The following SNTG2 variants were observed in gnomAD, a reference collection of about 807,000 sequenced individuals.
SNTG2 encodes the protein syntrophin gamma 2.
Under a neutral mutation model 70.9 loss-of-function variants are expected in SNTG2, and 74 were observed. The observed-to-expected ratio is 1.04, with a 90% CI of 0.86 to 1.27. The LOEUF (loss-of-function observed/expected upper bound fraction) is 1.27, where lower values mean the gene tolerates loss of function less well. SNTG2 is among the 50% of genes most tolerant of loss of function. The pLI, the probability that SNTG2 is intolerant of heterozygous loss-of-function variation, is 0.00. For synonymous variants in SNTG2, 278 were observed against 273.8 expected (o/e 1.02, Z -0.15); for missense variants, 717 against 690.7 (o/e 1.04, Z -0.43).
rs190580782 is a variant in SNTG2 at position 1,053,464 on chromosome 2, C to G, written c.73-30054C>G. ...TGGTGTTGACTGTTGATCAGTATCA[C>G]TCCATCCCCCCCCACCCCCCCAGCC... On this transcript the variant is annotated intron_variant, in intron 1 of 16. Transcript: ENST00000308624. Among the ~76,000 whole-genome samples the G allele has an allele frequency of 8.0e-4, 118 of 148,094 alleles. 1 individual carries two copies. Among genetic ancestry groups the G allele is most frequent in the African/African-American group, 2.8e-3 (114 of 40,034 alleles).
At chr2:1,236,414 G>A (rs1676662857) in intron 9 of SNTG2, among the ~76,000 whole-genome samples, 1 of 152,232 alleles carries the variant, frequency 6.6e-6, no homozygotes. Flanking sequence ...AGAAAGGGCT[G>A]TGCGAAGGTG....
intron 8 of SNTG2, among the ~76,000 whole-genome samples, chr2:1,187,288 T>C (rs1672307397): frequency 1.3e-5 from 2 of 152,162 alleles, no homozygotes; most frequent in Admixed American, 6.6e-5. Flanking sequence ...GATTCTAGAT[T>C]TTTCTGTGAA....
chr2:1,036,092 G>A lies in SNTG2; in HGVS notation c.73-47426G>A, dbSNP rs144131040. 6.5e-3 allele frequency among the ~76,000 whole-genome samples: 986 copies of A among 152,098 alleles called. 6 individuals are homozygous for A. Among genetic ancestry groups the A allele is most frequent in the Non-Finnish European group, 0.012 (814 of 67,964 alleles). ...TAGGCTCATAAGATTTTTGTCTCTT[G>A]GTTTTTCTAGGTGATTTTTAACTTA... is the stretch of plus-strand genomic sequence containing the variant. On this transcript the variant is annotated intron_variant, in intron 1 of 16. Transcript: ENST00000308624.
At chr2:1,248,453 C>T (rs907692884) in intron 12 of SNTG2, among the ~76,000 whole-genome samples, 1 of 152,222 alleles carries the variant, frequency 6.6e-6, no homozygotes, top group African/African-American at 2.4e-5. Flanking sequence ...CCAGAGATAA[C>T]ATAGGATATC....
intron 1 of SNTG2, among the ~76,000 whole-genome samples, chr2:990,399 G>A (rs1357153373): frequency 6.6e-6 from 1 of 152,172 alleles, no homozygotes; most frequent in Non-Finnish European, 1.5e-5. Flanking sequence ...TGTAGGTGTT[G>A]GGAGTTGGTA....
At chr2:1,298,201 C>T (rs905216612) in intron 14 of SNTG2, among the ~76,000 whole-genome samples, 5 of 152,096 alleles carry the variant, frequency 3.3e-5, no homozygotes, top group African/African-American at 7.2e-5. Context: ...GGCATGATCT[C>T]GGCTCACTGC....
intron 15 of SNTG2, among the ~76,000 whole-genome samples, chr2:1,314,219 G>A (rs1044534683): frequency 3.3e-5 from 5 of 152,314 alleles, no homozygotes; most frequent in African/African-American, 4.8e-5. Flanking sequence ...TCACAGAGTC[G>A]TTTGTTGCTT....
intron 1 of SNTG2, among the ~76,000 whole-genome samples, chr2:958,495 A>G (rs1252541547): frequency 6.6e-6 from 1 of 152,062 alleles, no homozygotes; most frequent in Non-Finnish European, 1.5e-5. Context: ...TTTCATAAAA[A>G]GACTCTGCAA....
intron 16 of SNTG2, among the ~76,000 whole-genome samples, chr2:1,332,315 G>A (rs909594971): frequency 3.3e-5 from 5 of 152,148 alleles, no homozygotes; most frequent in Non-Finnish European, 7.3e-5. Flanking sequence ...GGACAAGGAC[G>A]AGGTGGATTC....
intron 6 of SNTG2, among the ~76,000 whole-genome samples, chr2:1,141,937 G>A (rs992879012): frequency 3.7e-5 from 5 of 134,834 alleles, no homozygotes; most frequent in African/African-American, 1.1e-4. Context: ...ACGTGGCATC[G>A]CCCCAGAGCC....
chr2:1,159,763 C>T (rs375192413), intron 6 of SNTG2, among the ~76,000 whole-genome samples: 1 of 152,056 alleles, frequency 6.6e-6, no homozygotes, highest in African/African-American at 2.4e-5. Flanking sequence ...ACATAGAGGA[C>T]AAGTCAGAGA....
chr2:1,251,287 CAAGT>C (rs1161216298), intron 12 of SNTG2, among the ~76,000 whole-genome samples: 1 of 143,982 alleles, frequency 6.9e-6, no homozygotes, highest in Non-Finnish European at 1.5e-5. Context: ...TTGTTATCCT[CAAGT>C]AAGCATAGTT....
chr2:995,207 G>A (rs999787302), intron 1 of SNTG2, among the ~76,000 whole-genome samples: 1 of 151,982 alleles, frequency 6.6e-6, no homozygotes, highest in African/African-American at 2.4e-5. Flanking sequence ...ATTTTCCACA[G>A]ATAACTTTTA....
At chr2:1,172,995 A>T in intron 7 of SNTG2, 97 bp from the exon 8 acceptor site, 7 of 1,105,422 alleles carry the variant, frequency 6.3e-6, no homozygotes, top group Non-Finnish European at 9.4e-6. Flanking sequence ...TGGTGCTGGT[A>T]ACTTCCCATG....
At chr2:952,656 A>G (rs957648526) in intron 1 of SNTG2, among the ~76,000 whole-genome samples, 3 of 133,574 alleles carry the variant, frequency 2.2e-5, no homozygotes, top group African/African-American at 9.2e-5. Flanking sequence ...ATTGTATTGA[A>G]AGAAACTTTT....
rs1184617941 is a variant in SNTG2, at chr2:1,259,417, T to C, written c.1053T>C (p.Cys351=). 1 of 1,613,762 alleles carries C rather than the reference T, an allele frequency of 6.2e-7. No individual in the cohort carries two copies. The highest frequency in any genetic ancestry group is 8.5e-7 in the Non-Finnish European group (1 of 1,179,658). ...WVRAERTYHL[C]EVLFKVHKFW... is the part of the protein sequence containing the mutation. ...GAGCAGAAAGGACCTATCACCTCTG[T>C]GAGGTGCTATTTAAAGTTCACAAGG... The change falls in exon 13 of 17, where the codon TGT becomes TGC. Residue 351 remains cysteine (C), a synonymous_variant. Coordinates refer to ENST00000308624, the MANE Select transcript of SNTG2 (RefSeq NM_018968.4).
At chr2:1,159,153 G>T (rs1670106184) in intron 6 of SNTG2, among the ~76,000 whole-genome samples, 1 of 143,776 alleles carries the variant, frequency 7.0e-6, no homozygotes, top group Non-Finnish European at 1.5e-5. Flanking sequence ...TGTGGGGGGG[G>T]TGTGTGAGTG....
At chr2:975,236 G>A (rs951987721) in intron 1 of SNTG2, among the ~76,000 whole-genome samples, 2 of 151,714 alleles carry the variant, frequency 1.3e-5, no homozygotes. Flanking sequence ...ACACCTGTGA[G>A]CAAACACCAC....
chr2:1,197,549 G>GTGTATA (rs1553353498), intron 8 of SNTG2, among the ~76,000 whole-genome samples: 107 of 138,710 alleles, frequency 7.7e-4, no homozygotes, highest in African/African-American at 2.7e-3. Context: ...GTGTGTGTGT[G>GTGTATA]TATATTTGAT....
Sources: gnomAD v4.1 joint callset for allele counts (sites outside exome capture counted in the v4.1 genomes callset) on GRCh38, gnomAD v4.1.1 for gene constraint, MANE v1.5 for transcripts, NCBI Gene and HGNC (gene_info 2026-07-23, HGNC 2026-07-21) for gene names.